Variants in CSMD1 observed in about 807,000 individuals in gnomAD.
CSMD1 encodes CUB and sushi domain-containing protein 1.
CSMD1 carries 213 observed loss-of-function variants against 417.5 expected under a neutral mutation model. That is an observed-to-expected ratio of 0.51 (90% CI 0.46 to 0.57). The LOEUF (loss-of-function observed/expected upper bound fraction) is 0.57. Ranked by LOEUF, CSMD1 falls within the 20% of genes least tolerant of loss-of-function variation. CSMD1 has a pLI of 0.00. For synonymous variants in CSMD1, 2,862 were observed against 1,736.8 expected, an observed-to-expected ratio of 1.65 and a Z score of -16.11; for missense variants, 6,923 against 4,529.7, an observed-to-expected ratio of 1.53 and a Z score of -15.17.
At chr8:3,241,684 G>A (rs982535122) in intron 26 of CSMD1, among the ~76,000 whole-genome samples, 1 of 152,198 alleles carries the variant, frequency 6.6e-6, no homozygotes, top group African/African-American at 2.4e-5. Flanking sequence ...CTTGTAGCAA[G>A]CTCCTGGGGG....
chr8:3,781,855 A>G (rs1364896236), intron 5 of CSMD1, among the ~76,000 whole-genome samples: 1 of 152,200 alleles, frequency 6.6e-6, no homozygotes, highest in African/African-American at 2.4e-5. Context: ...TCATTTGTTC[A>G]ATGGCATTTT....
intron 1 of CSMD1, among the ~76,000 whole-genome samples, chr8:4,779,577 T>C (rs17071306): frequency 0.1 from 15,840 of 152,280 alleles, 1,052 homozygotes; most frequent in Non-Finnish European, 0.14. Flanking sequence ...ATATCATGTT[T>C]AGCTCAAAGG....
chr8:2,988,275 T>C (rs1005845821), intron 54 of CSMD1, among the ~76,000 whole-genome samples: 2 of 152,178 alleles, frequency 1.3e-5, no homozygotes, highest in Non-Finnish European at 2.9e-5. Flanking sequence ...CTTAATTTTC[T>C]TTATGCTTAT....
At chr8:4,170,624 G>A (rs944454051) in intron 3 of CSMD1, among the ~76,000 whole-genome samples, 11 of 151,874 alleles carry the variant, frequency 7.2e-5, no homozygotes, top group African/African-American at 2.4e-4. Flanking sequence ...ATTCTGGGTG[G>A]AAAACATTTG....
intron 3 of CSMD1, among the ~76,000 whole-genome samples, chr8:4,207,917 T>A (rs1019692990): frequency 6.6e-6 from 1 of 152,092 alleles, no homozygotes; most frequent in African/African-American, 2.4e-5. Flanking sequence ...TATATTTATA[T>A]TAAATAGTCT....
chr8:3,766,653 T>A (rs965539166), intron 5 of CSMD1, among the ~76,000 whole-genome samples: 1 of 152,124 alleles, frequency 6.6e-6, no homozygotes, highest in Non-Finnish European at 1.5e-5. Context: ...ACTCAAAGAC[T>A]GATAATAAAG....
chr8:3,808,274 A>G (rs1800861408), intron 5 of CSMD1, among the ~76,000 whole-genome samples: 4 of 152,210 alleles, frequency 2.6e-5, no homozygotes, highest in Admixed American at 2.6e-4. Context: ...AGGAATATAA[A>G]GATTTTTTTC....
In CSMD1 at chr8:2,950,341, T is replaced by C. The variant is rs1187977997; in HGVS notation, c.10204A>G (p.Ile3402Val). The C allele has an allele frequency of 2.5e-6, 4 of 1,599,928 alleles. No individual in the cohort carries two copies. Among genetic ancestry groups the C allele is most frequent in the Non-Finnish European group, 3.4e-6 (4 of 1,167,278 alleles). The change falls in exon 67 of 70, where the codon ATT (isoleucine) becomes GTT (valine). Residue 3402 changes from isoleucine to valine, a missense_variant and splice_region_variant. Physicochemically the swap from Ile to Val is conservative, Grantham distance 29 (BLOSUM62 3). Transcript: ENST00000635120. ...ASPVELKLTGIYKKEEAHLLL... is the reference protein window; with the variant it reads ...ASPVELKLTGVYKKEEAHLLL... Reference sequence around the variant, plus strand: ...AAGTGGGCCTCCTCCTTCTTGTAAATGCCTGTGAAAAGATCAGCAGTTTAG... The same window carrying C: ...AAGTGGGCCTCCTCCTTCTTGTAAACGCCTGTGAAAAGATCAGCAGTTTAG...
At chr8:4,341,098 A>G (rs182332108) in intron 3 of CSMD1, among the ~76,000 whole-genome samples, 2 of 152,210 alleles carry the variant, frequency 1.3e-5, no homozygotes, top group East Asian at 1.9e-4. Flanking sequence ...GAGAATAGAG[A>G]TATCTCATTT....
intron 5 of CSMD1, among the ~76,000 whole-genome samples, chr8:3,766,629 C>T (rs1048026005): frequency 1.3e-5 from 2 of 151,798 alleles, no homozygotes; most frequent in African/African-American, 4.8e-5. Context: ...TAATAAATTC[C>T]ACGCACAGTC....
chr8:4,945,817 G>C (rs780636151), intron 1 of CSMD1, among the ~76,000 whole-genome samples: 12 of 152,172 alleles, frequency 7.9e-5, no homozygotes, highest in Non-Finnish European at 1.5e-4. Context: ...GCAGAACCCA[G>C]TTTTGGAGAG....
intron 49 of CSMD1, among the ~76,000 whole-genome samples, chr8:3,067,704 A>G (rs1214118580): frequency 6.6e-6 from 1 of 151,358 alleles, no homozygotes; most frequent in Non-Finnish European, 1.5e-5. Context: ...TATGAAATAT[A>G]CAATAAACGA....
In CSMD1 at chr8:3,450,463, C is replaced by A. The variant is rs1585182546; in HGVS notation, c.1561+18249G>T. On this transcript the variant is annotated intron_variant, in intron 12 of 69. Coordinates refer to ENST00000635120, the MANE Select transcript of CSMD1 (RefSeq NM_033225.6). ...TCTCCTAAAGCTATCCCTCCCCCCT[C>A]CCCACACCCCACAACAGGCCCTGGT... Among the ~76,000 whole-genome samples the A allele has an allele frequency of 2.0e-5, 3 of 151,364 alleles. No individual in the cohort carries two copies. The South Asian group carries it at 6.3e-4, about 32-fold the overall frequency.
chr8:4,759,536 GATTT>G (rs1563313118), intron 1 of CSMD1, among the ~76,000 whole-genome samples: 1 of 151,920 alleles, frequency 6.6e-6, no homozygotes, highest in Non-Finnish European at 1.5e-5. Flanking sequence ...CATGCACTAG[GATTT>G]TTTTCCTAAT....
At chr8:4,282,681 T>C (rs1467327152) in intron 3 of CSMD1, among the ~76,000 whole-genome samples, 3 of 152,184 alleles carry the variant, frequency 2.0e-5, no homozygotes, top group South Asian at 2.1e-4. Flanking sequence ...AGGAACTGAG[T>C]TGGCTGTGAC....
intron 5 of CSMD1, among the ~76,000 whole-genome samples, chr8:3,949,059 TA>T (rs1444383001): frequency 2.0e-5 from 3 of 152,222 alleles, no homozygotes; most frequent in Non-Finnish European, 1.5e-5. Flanking sequence ...TTACTGTTTT[TA>T]AAAGCTATTT....
intron 4 of CSMD1, among the ~76,000 whole-genome samples, chr8:4,012,621 C>T (rs1338440526): frequency 6.6e-6 from 1 of 152,006 alleles, no homozygotes; most frequent in Non-Finnish European, 1.5e-5. Flanking sequence ...ATCTGTATGT[C>T]TACAGTTTTC....
Position 4,285,471 on chromosome 8 carries a change from GA to G in CSMD1, c.415+134481del, listed in dbSNP as rs955499541. ...TAGTTCAGAATTATGAAATAATACA[GA>G]AAAAAAGTGGGCTTTTCCAAATATA... On this transcript the variant is annotated intron_variant, in intron 3 of 69. Coordinates refer to ENST00000635120, the MANE Select transcript of CSMD1 (RefSeq NM_033225.6). 3.9e-5 allele frequency among the ~76,000 whole-genome samples: 6 copies of G among 152,038 alleles called. No homozygotes were observed. The East Asian group carries it at 5.8e-4, about 15-fold the overall frequency.
At chr8:3,767,513 T>C (rs62479696) in intron 5 of CSMD1, among the ~76,000 whole-genome samples, 1 of 152,232 alleles carries the variant, frequency 6.6e-6, no homozygotes, top group African/African-American at 2.4e-5. Flanking sequence ...AACTAAGGCT[T>C]AGATTATGCT....
Sources: allele counts gnomAD v4.1 joint callset (sites outside exome capture counted in the v4.1 genomes callset), GRCh38; gene constraint gnomAD v4.1.1; transcripts MANE v1.5; gene names NCBI Gene and HGNC (gene_info 2026-07-23, HGNC 2026-07-21).